The following KIAA1549 variants were observed in gnomAD, a reference collection of about 807,000 sequenced individuals.
KIAA1549 encodes the protein KIAA1549.
KIAA1549 carries 70 observed loss-of-function variants against 156.4 expected under a neutral mutation model. The observed-to-expected ratio is 0.45, with a 90% CI of 0.37 to 0.55. The LOEUF is 0.55. Ranked by LOEUF, KIAA1549 falls within the 20% of genes least tolerant of loss-of-function variation. The probability of loss-of-function intolerance (pLI) is 0.00; values close to 1 mark genes in which losing one functional copy is unlikely to be tolerated. For missense variants in KIAA1549, 2,428 were observed against 2,540.9 expected (o/e 0.96, Z 0.96); for synonymous variants, 1,103 against 1,066.4 (o/e 1.03, Z -0.67).
intron 8 of KIAA1549, among the ~76,000 whole-genome samples, chr7:138,903,260 C>T (rs1389876131): frequency 6.6e-6 from 1 of 152,158 alleles, no homozygotes; most frequent in Non-Finnish European, 1.5e-5. Flanking sequence ...AAACAGGCTA[C>T]ATTTTTGTTA....
chr7:138,888,938 G>A (rs947014570), intron 10 of KIAA1549, among the ~76,000 whole-genome samples: 7 of 152,110 alleles, frequency 4.6e-5, no homozygotes, highest in African/African-American at 7.2e-5. Context: ...ATCCTAACAG[G>A]AGCGATTTCC....
chr7:138,897,748 G>T (rs956701854), intron 9 of KIAA1549, among the ~76,000 whole-genome samples: 1 of 151,666 alleles, frequency 6.6e-6, no homozygotes, highest in Non-Finnish European at 1.5e-5. Context: ...AGAAAAAATC[G>T]CTGGGTGTAG....
chr7:138,979,079 G>A (rs942907508), intron 1 of KIAA1549, among the ~76,000 whole-genome samples: 1 of 152,244 alleles, frequency 6.6e-6, no homozygotes, highest in Non-Finnish European at 1.5e-5. Flanking sequence ...CTGGAGCACA[G>A]GGGCTGTGCC....
chr7:138,878,890 C>T (rs1013910594), intron 12 of KIAA1549, among the ~76,000 whole-genome samples: 5 of 152,108 alleles, frequency 3.3e-5, no homozygotes, highest in Admixed American at 1.3e-4. Context: ...TTTAATACAA[C>T]CTGTTACACT....
chr7:138,891,261 A>C (rs1192960366), intron 10 of KIAA1549, among the ~76,000 whole-genome samples: 4 of 152,260 alleles, frequency 2.6e-5, no homozygotes, highest in Admixed American at 6.5e-5. Flanking sequence ...AGGCAGCTCC[A>C]GCCGGTTGCC....
At chr7:138,850,034 T>C (rs1810193994) in intron 17 of KIAA1549, among the ~76,000 whole-genome samples, 1 of 152,214 alleles carries the variant, frequency 6.6e-6, no homozygotes, top group Non-Finnish European at 1.5e-5. Flanking sequence ...TTTGCATGCA[T>C]GTTTCTTCAC....
intron 1 of KIAA1549, among the ~76,000 whole-genome samples, chr7:138,949,962 T>C (rs1340280680): frequency 6.6e-6 from 1 of 152,236 alleles, no homozygotes; most frequent in Non-Finnish European, 1.5e-5. Context: ...TTCAAGAAGA[T>C]GGCTGAGGCC....
chr7:138,869,660 G>C lies in KIAA1549; in HGVS notation c.4653C>G (p.Asp1551Glu). 6.2e-7 allele frequency: 1 copy of C among 1,612,188 alleles called. No homozygotes were observed. The highest frequency in any genetic ancestry group is 8.5e-7 in the Non-Finnish European group (1 of 1,179,808). ...RRGHYEFPVV[D>E]DLSSGDTKER... The stretch of plus-strand genomic sequence containing the variant: ...CCTTAGTGTCGCCCGAGGACAGGTC[G>C]TCTACCACCGGGAACTCGTAGTGCC... The change falls in exon 14 of 20, where the codon GAC (aspartate) becomes GAG (glutamate). Residue 1551 changes from aspartate (D) to glutamate (E), a missense_variant. By Grantham distance (45) the Asp-to-Glu change is conservative. Transcript: ENST00000422774.
chr7:138,840,126 T>C lies in KIAA1549; in HGVS notation c.5598+7A>G, dbSNP rs1235191009. The C allele has an allele frequency of 1.9e-6, 3 of 1,549,980 alleles. No homozygotes were observed. The African/African-American group carries it at 4.1e-5, about 21-fold the overall frequency. ...TTTAAATGATGACCCAAACAGGAGA[T>C]ACTCACGGCCTCTCTTCGCCCCGCT... On this transcript the variant is annotated splice_region_variant and intron_variant, in intron 19 of 19. Transcript: ENST00000422774.
At chr7:138,899,169 T>G (rs755157032) in intron 8 of KIAA1549, 37 bp from the exon 9 acceptor site, 3 of 1,593,030 alleles carry the variant, frequency 1.9e-6, no homozygotes, top group Admixed American at 3.4e-5. Flanking sequence ...TTGCAGAAGC[T>G]CATGTTTCTA....
At chr7:138,899,535 G>C (rs1220575734) in intron 8 of KIAA1549, among the ~76,000 whole-genome samples, 1 of 152,116 alleles carries the variant, frequency 6.6e-6, no homozygotes, top group African/African-American at 2.4e-5. Context: ...ACTATTAATG[G>C]TTCTACCCAA....
intron 1 of KIAA1549, among the ~76,000 whole-genome samples, chr7:138,959,784 G>A (rs1335145714): frequency 6.6e-6 from 1 of 152,220 alleles, no homozygotes; most frequent in African/African-American, 2.4e-5. Context: ...GCCAAAAGGT[G>A]TAAACCTAAC....
chr7:138,915,465 T>C (rs1194018590), intron 2 of KIAA1549, among the ~76,000 whole-genome samples: 1 of 152,036 alleles, frequency 6.6e-6, no homozygotes, highest in East Asian at 1.9e-4. Flanking sequence ...GCAAAGGCTG[T>C]CCTGGACTCA....
chr7:138,900,218 GAACTCCTTCT>G (rs2130444735), intron 8 of KIAA1549, among the ~76,000 whole-genome samples: 1 of 152,258 alleles, frequency 6.6e-6, no homozygotes. Context: ...ATTTCACTGT[GAACTCCTTCT>G]TCCAGATCGT....
At chr7:138,916,031 A>C (rs1812310937) in intron 2 of KIAA1549, among the ~76,000 whole-genome samples, 1 of 152,216 alleles carries the variant, frequency 6.6e-6, no homozygotes. Context: ...TGGGGAGGAG[A>C]CCAAAGGCTG....
intron 1 of KIAA1549, among the ~76,000 whole-genome samples, chr7:138,980,121 C>T (rs1814501641): frequency 6.6e-6 from 1 of 152,196 alleles, no homozygotes; most frequent in Non-Finnish European, 1.5e-5. Context: ...GCAGCGTTCA[C>T]GGCTTTCTGG....
At chr7:138,854,410 T>TGCCTGCTTGTG (rs1810322460) in intron 16 of KIAA1549, among the ~76,000 whole-genome samples, 2 of 152,178 alleles carry the variant, frequency 1.3e-5, no homozygotes, top group African/African-American at 4.8e-5. Flanking sequence ...CAATACCAAC[T>TGCCTGCTTGTG]ATCACGTGGC....
chr7:138,860,475 C>T (rs1303090915), intron 16 of KIAA1549, among the ~76,000 whole-genome samples: 2 of 152,212 alleles, frequency 1.3e-5, no homozygotes, highest in African/African-American at 2.4e-5. Flanking sequence ...AGAGTCAAAC[C>T]TTAGTCCAAT....
rs1809703544 is a variant in KIAA1549, at chr7:138,836,261, T to TACCA, written c.*1644_*1645insTGGT. The TACCA allele has an allele frequency of 4.9e-6, 1 of 203,414 alleles. No homozygotes were observed. The highest frequency in any genetic ancestry group is 1.0e-5 in the Non-Finnish European group (1 of 99,190). The allele number at this position is 203,414 out of a possible 1,614,324, so 12.6% of individuals were successfully genotyped here. A position where few individuals can be genotyped will look rare whatever the true frequency, so the allele number is the denominator to read the frequency against. On this transcript the variant is annotated 3_prime_UTR_variant, in exon 20 of 20. Transcript: ENST00000422774. ...ATAAAATTGTATTTTTACCATACCTTTTCTATGTTTAGCTATGTTTAGATA... is the reference window on the plus strand; with the variant it reads ...ATAAAATTGTATTTTTACCATACCTTACCATTCTATGTTTAGCTATGTTTAGATA...
Sources: allele counts gnomAD v4.1 joint callset (sites outside exome capture counted in the v4.1 genomes callset), GRCh38; gene constraint gnomAD v4.1.1; transcripts MANE v1.5; gene names NCBI Gene and HGNC (gene_info 2026-07-23, HGNC 2026-07-21).